BCR: variants seen among roughly 807,000 people sequenced by gnomAD.
BCR encodes the protein breakpoint cluster region protein.
A neutral mutation model predicts 138.6 loss-of-function variants in BCR; 58 were observed. The ratio of observed to expected loss-of-function variants is 0.42; its 90% CI spans 0.34 to 0.52. The LOEUF (loss-of-function observed/expected upper bound fraction) is 0.52, where lower values mean the gene tolerates loss of function less well. BCR is among the 20% of genes least tolerant of loss of function. The pLI, the probability that BCR is intolerant of heterozygous loss-of-function variation, is 0.06. For synonymous variants in BCR, 786 were observed against 730.1 expected, an observed-to-expected ratio of 1.08 and a Z score of -1.23; for missense variants, 1,599 against 1,727.2, an observed-to-expected ratio of 0.93 and a Z score of 1.32.
rs1441856766 is a variant in BCR at position 23,181,645 on chromosome 22, C to T, written c.685C>T (p.Pro229Ser). The change falls in exon 1 of 23, where the codon CCC becomes TCC. Residue 229 changes from proline (P) to serine (S), a missense_variant. Transcript: ENST00000305877. Reference protein sequence around the residue: ...AGSSVGDASRPPYRGRSSESS... With the variant: ...AGSSVGDASRSPYRGRSSESS... ...CTCGAGCGTGGGGGATGCATCCAGG[C>T]CCCCTTACCGGGGACGCTCCTCGGA... is the stretch of plus-strand genomic sequence containing the variant. 1.9e-6 allele frequency: 3 copies of T among 1,609,564 alleles called. No individual in the cohort carries two copies. Among genetic ancestry groups the T allele is most frequent in the African/African-American group, 1.3e-5 (1 of 74,944 alleles).
At chr22:23,312,691 C>G in intron 19 of BCR, 196 bp from the exon 20 acceptor site, 1 of 582,936 alleles carries the variant, frequency 1.7e-6, no homozygotes, top group South Asian at 2.0e-5. Flanking sequence ...AATGGGAATG[C>G]CCACGCACCC....
In BCR at chr22:23,304,043, C is replaced by G. The variant is rs1246687254; in HGVS notation, c.3013-5381C>G. On this transcript the variant is annotated intron_variant, in intron 16 of 22. Transcript: ENST00000305877. ...TGATGTCCCAGGCTCAAGTGCTCTT[C>G]CTACCTTAGCCTCTCAAGTAGCTGG... Among the ~76,000 whole-genome samples, 4 of 149,504 alleles carry G rather than the reference C, an allele frequency of 2.7e-5. No individual in the cohort carries two copies. In the East Asian group the frequency reaches 7.9e-4, roughly 30 times the overall value.
Position 23,234,747 on chromosome 22 carries a change from G to A in BCR, c.1280-19052G>A, listed in dbSNP as rs190084123. Among the ~76,000 whole-genome samples, 23 of 108,632 alleles carry A rather than the reference G, an allele frequency of 2.1e-4. 2 individuals carry two copies. Among genetic ancestry groups the A allele is most frequent in the African/African-American group, 5.6e-4 (21 of 37,232 alleles). The allele number at this position is 108,632 out of a possible 152,430, so 71.3% of individuals were successfully genotyped here. A position where few individuals can be genotyped will look rare whatever the true frequency, so the allele number is the denominator to read the frequency against. On this transcript the variant is annotated intron_variant, in intron 1 of 22. Coordinates refer to ENST00000305877, the MANE Select transcript of BCR (RefSeq NM_004327.4). ...AGGTCGCAGCGAGCATGAGGGGACT[G>A]TGCGAAGCCATGAGCTCCAGACTCC...
chr22:23,314,482 C>G, intron 21 of BCR, 70 bp from the exon 22 acceptor site: 1 of 1,563,138 alleles, frequency 6.4e-7, no homozygotes, highest in Non-Finnish European at 8.8e-7. Flanking sequence ...AACTCCAGCA[C>G]AGCCCAGCCC....
rs1304822887 is a variant in BCR, at chr22:23,312,993, G to T, written c.3429G>T (p.Glu1143Asp). ...TGCCCGAGCCCCTCTTCACTGACGA[G>T]TTCTACCCCAACTTCGCAGAGGGCA... is the stretch of plus-strand genomic sequence containing the variant. ...RELPEPLFTDEFYPNFAEGIA... is the reference protein window; with the variant it reads ...RELPEPLFTDDFYPNFAEGIA... Residue 1143 changes from glutamate to aspartate, a missense_variant, in exon 20 of 23, where the codon GAG (glutamate) becomes GAT (aspartate). By Grantham distance (45) the Glu-to-Asp change is conservative. Transcript: ENST00000305877. 6.3e-7 allele frequency: 1 copy of T among 1,587,798 alleles called. No homozygotes were observed. The highest frequency in any genetic ancestry group is 8.5e-7 in the Non-Finnish European group (1 of 1,173,448).
At chr22:23,215,385 G>T (rs138229106) in intron 1 of BCR, among the ~76,000 whole-genome samples, 12 of 152,294 alleles carry the variant, frequency 7.9e-5, no homozygotes, top group African/African-American at 2.4e-5. Flanking sequence ...AATGGGAGAG[G>T]GGAGAACCTT....
rs115724938 is a variant in BCR at position 23,250,663 on chromosome 22, C to T, written c.1280-3136C>T. On this transcript the variant is annotated intron_variant, in intron 1 of 22. Coordinates refer to ENST00000305877, the MANE Select transcript of BCR (RefSeq NM_004327.4). ...GTTAAAGGAGGCCAAGGGGATGGCA[C>T]GGCCTTCATCTAATAGTGACAGTAG... Among the ~76,000 whole-genome samples the T allele has an allele frequency of 4.0e-3, 605 of 152,228 alleles. 4 individuals are homozygous for T. The highest frequency in any genetic ancestry group is 0.014 in the African/African-American group (574 of 41,532).
chr22:23,204,738 G>A (rs1275979303), intron 1 of BCR, among the ~76,000 whole-genome samples: 1 of 152,244 alleles, frequency 6.6e-6, no homozygotes, highest in African/African-American at 2.4e-5. Flanking sequence ...GGCCGTGCAG[G>A]TTTCATCTGG....
At chr22:23,213,977 A>T (rs1360592776) in intron 1 of BCR, among the ~76,000 whole-genome samples, 1 of 152,196 alleles carries the variant, frequency 6.6e-6, no homozygotes, top group African/African-American at 2.4e-5. Flanking sequence ...AAATACAGTA[A>T]GTTTCCTCAT....
At chr22:23,301,451 G>A (rs1228349633) in intron 16 of BCR, among the ~76,000 whole-genome samples, 1 of 152,224 alleles carries the variant, frequency 6.6e-6, no homozygotes, top group Non-Finnish European at 1.5e-5. Context: ...CTGTTGCGCT[G>A]CACTCGGCTA....
At chr22:23,195,420 C>CAAAA (rs529306820) in intron 1 of BCR, among the ~76,000 whole-genome samples, 17 of 92,230 alleles carry the variant, frequency 1.8e-4, no homozygotes, top group Admixed American at 4.8e-4. Context: ...AACTCCGTCT[C>CAAAA]AAAAAAAAAA....
chr22:23,287,295 C>G lies in BCR; in HGVS notation c.2526+17C>G, dbSNP rs765815862. 3.7e-5 allele frequency: 56 copies of G among 1,522,576 alleles called. No homozygotes were observed. In the Middle Eastern group the frequency reaches 1.8e-3, roughly 48 times the overall value. 94.3% of individuals were successfully genotyped at this position (1,522,576 alleles called of 1,614,324 possible). A position where few individuals can be genotyped will look rare whatever the true frequency, so the allele number is the denominator to read the frequency against. ...AACGGCAAGGTGAGCGCCTGCTGTT[C>G]CGGCCCCTCCTGCTCTCCTGGCCTG... On this transcript the variant is annotated intron_variant, in intron 11 of 22. Transcript: ENST00000305877.
chr22:23,181,419 G>A lies in BCR; in HGVS notation c.459G>A (p.Ala153=), dbSNP rs376485138. The part of the protein sequence containing the change: ...DDRGPPASVA[A]LRSNFERIRK... ...GGGGACCCCCCGCCAGCGTGGCGGCGCTCAGGTCCAACTTCGAGCGGATCC... is the reference window on the plus strand; with the variant it reads ...GGGGACCCCCCGCCAGCGTGGCGGCACTCAGGTCCAACTTCGAGCGGATCC... The change falls in exon 1 of 23, where the codon GCG becomes GCA. Residue 153 remains alanine (A), a synonymous_variant. Coordinates refer to ENST00000305877, the MANE Select transcript of BCR (RefSeq NM_004327.4). The A allele has an allele frequency of 6.3e-7, 1 of 1,580,372 alleles. No homozygotes were observed. Among genetic ancestry groups the A allele is most frequent in the Non-Finnish European group, 8.6e-7 (1 of 1,161,472 alleles).
At chr22:23,233,528 C>A (rs916713241) in intron 1 of BCR, among the ~76,000 whole-genome samples, 3 of 152,184 alleles carry the variant, frequency 2.0e-5, no homozygotes, top group Non-Finnish European at 4.4e-5. Context: ...AGGCTCGTGC[C>A]TGTAATCCCA....
intron 2 of BCR, among the ~76,000 whole-genome samples, chr22:23,257,411 G>A (rs1310537264): frequency 6.6e-6 from 1 of 152,264 alleles, no homozygotes; most frequent in Non-Finnish European, 1.5e-5. Flanking sequence ...GCCGGCACAA[G>A]CATCTCACAC....
At position 23,182,095 on chromosome 22, in the gene BCR, G is replaced by A. The variant is rs779799231; in HGVS notation, c.1135G>A (p.Asp379Asn). 17 of 1,612,924 alleles carry A rather than the reference G, an allele frequency of 1.1e-5. No homozygotes were observed. The highest frequency in any genetic ancestry group is 1.4e-5 in the Non-Finnish European group (16 of 1,180,032). The stretch of plus-strand genomic sequence containing the variant: ...CTCGCAGAACTCGCAACAGTCCTTC[G>A]ACAGCAGCAGTCCCCCCACGCCGCA... Reference protein sequence around the residue: ...SPSQNSQQSFDSSSPPTPQCH... With the variant: ...SPSQNSQQSFNSSSPPTPQCH... Residue 379 changes from aspartate (D) to asparagine (N), a missense_variant, in exon 1 of 23, where the codon GAC (aspartate) becomes AAC (asparagine). Physicochemically the swap from Asp to Asn is conservative, Grantham distance 23. Transcript: ENST00000305877.
intron 8 of BCR, among the ~76,000 whole-genome samples, chr22:23,280,265 G>A (rs2073628622): frequency 6.6e-6 from 1 of 152,234 alleles, no homozygotes; most frequent in South Asian, 2.1e-4. Flanking sequence ...AACAGCTGGA[G>A]GAGGCAGCTG....
intron 1 of BCR, among the ~76,000 whole-genome samples, chr22:23,225,854 G>T (rs2072885763): frequency 2.0e-5 from 3 of 152,222 alleles, no homozygotes; most frequent in Admixed American, 2.0e-4. Context: ...CACAGTCAGT[G>T]CATCCCAGGG....
chr22:23,212,929 A>G (rs886691100), intron 1 of BCR, among the ~76,000 whole-genome samples: 4 of 152,230 alleles, frequency 2.6e-5, no homozygotes, highest in Admixed American at 1.3e-4. Context: ...AAACTTGGCA[A>G]TGTGAGGGAC....
Sources: allele counts gnomAD v4.1 joint callset (sites outside exome capture counted in the v4.1 genomes callset), GRCh38; gene constraint gnomAD v4.1.1; transcripts MANE v1.5; gene names NCBI Gene and HGNC (gene_info 2026-07-23, HGNC 2026-07-21).